The following LRGUK variants were observed in gnomAD, a reference collection of about 807,000 sequenced individuals.
The protein encoded by LRGUK is leucine rich repeats and guanylate kinase domain containing.
Under a neutral mutation model 76.0 loss-of-function variants are expected in LRGUK, and 65 were observed. The observed-to-expected ratio is 0.85, with a 90% CI of 0.70 to 1.05. LRGUK has a LOEUF of 1.05. Ranked by LOEUF, LRGUK falls within the 50% of genes least tolerant of loss-of-function variation. LRGUK has a pLI of 0.00. For missense variants in LRGUK, 758 were observed against 732.8 expected (o/e 1.03, Z -0.40); for synonymous variants, 268 against 265.6 (o/e 1.01, Z -0.09).
intron 19 of LRGUK, among the ~76,000 whole-genome samples, chr7:134,258,964 G>A (rs1413970573): frequency 1.3e-5 from 2 of 152,114 alleles, no homozygotes; most frequent in Non-Finnish European, 2.9e-5. Flanking sequence ...TGTCCACCCG[G>A]CCACATTATC....
intron 18 of LRGUK, among the ~76,000 whole-genome samples, chr7:134,249,920 G>T (rs75599335): frequency 1.3e-5 from 2 of 152,156 alleles, no homozygotes; most frequent in Non-Finnish European, 2.9e-5. Flanking sequence ...ACTACGGGGT[G>T]CCTCTCTTGG....
chr7:134,146,064 G>C (rs898886913), intron 4 of LRGUK, among the ~76,000 whole-genome samples: 1 of 152,146 alleles, frequency 6.6e-6, no homozygotes, highest in African/African-American at 2.4e-5. Flanking sequence ...CTTGAGGTCA[G>C]GGGTTCAAGA....
exon 1 of LRGUK, chr7:134,127,393 T>C: frequency 1.2e-6 from 2 of 1,610,918 alleles, no homozygotes; most frequent in Non-Finnish European, 1.7e-6. Flanking sequence ...AGGGCTCTCC[T>C]GAGGACCAGA....
chr7:134,169,603 A>C (rs1392495895), intron 7 of LRGUK, among the ~76,000 whole-genome samples: 1 of 152,080 alleles, frequency 6.6e-6, no homozygotes, highest in African/African-American at 2.4e-5. Context: ...ATTTTCTTAT[A>C]ATTTCAAGTT....
intron 1 of LRGUK, among the ~76,000 whole-genome samples, chr7:134,128,386 C>A (rs1360249339): frequency 6.6e-6 from 1 of 152,214 alleles, no homozygotes; most frequent in African/African-American, 2.4e-5. Flanking sequence ...TCTCTTCTGA[C>A]CACCACACAA....
Position 134,176,960 on chromosome 7 carries a change from C to T in LRGUK, c.1021-17C>T, listed in dbSNP as rs762521371. The stretch of plus-strand genomic sequence containing the variant: ...AAAAGGAAGGCAACTGAACAGTCCT[C>T]TTGATATTTTAAATAGGAAAAGTCT... On this transcript the variant is annotated splice_polypyrimidine_tract_variant and intron_variant, in intron 8 of 15. Coordinates refer to ENST00000645682, the Ensembl canonical transcript of LRGUK. The T allele has an allele frequency of 2.7e-5, 41 of 1,504,096 alleles. 2 individuals are homozygous for T. The South Asian group carries it at 4.4e-4, about 16-fold the overall frequency. The allele number at this position is 1,504,096 out of a possible 1,614,324, so 93.2% of individuals were successfully genotyped here. A position where few individuals can be genotyped will look rare whatever the true frequency, so the allele number is the denominator to read the frequency against.
In LRGUK at chr7:134,197,112, G is replaced by A; in HGVS notation, c.1545+7G>A. The A allele has an allele frequency of 6.6e-7, 1 of 1,525,830 alleles. No individual in the cohort carries two copies. The allele number at this position is 1,525,830 out of a possible 1,614,324, so 94.5% of individuals were successfully genotyped here. A position where few individuals can be genotyped will look rare whatever the true frequency, so the allele number is the denominator to read the frequency against. ...TATTCATATGGAAATAGAAGTAAGTGTTTTCATTCAACCAATTAATGTGTG... is the reference window on the plus strand; with the variant it reads ...TATTCATATGGAAATAGAAGTAAGTATTTTCATTCAACCAATTAATGTGTG... On this transcript the variant is annotated splice_region_variant and intron_variant, in intron 13 of 15. Transcript: ENST00000645682.
At chr7:134,143,009 T>A (rs1169410029) in intron 3 of LRGUK, 53 bp from the exon 4 acceptor site, 4 of 972,262 alleles carry the variant, frequency 4.1e-6, no homozygotes, top group Non-Finnish European at 6.6e-6. Flanking sequence ...TTTAATGCCT[T>A]TGTCTTGTTA....
At chr7:134,205,873 C>T (rs1054608403) in intron 15 of LRGUK, among the ~76,000 whole-genome samples, 1 of 152,220 alleles carries the variant, frequency 6.6e-6, no homozygotes, top group Non-Finnish European at 1.5e-5. Context: ...TTATGACCAA[C>T]AGCATTGTTT....
chr7:134,246,643 G>A (rs1423211172), intron 16 of LRGUK, among the ~76,000 whole-genome samples: 1 of 152,088 alleles, frequency 6.6e-6, no homozygotes, highest in Non-Finnish European at 1.5e-5. Flanking sequence ...AGTGGAGCCT[G>A]GTAATGACAT....
At chr7:134,137,663 A>ACT (rs1163468804) in intron 2 of LRGUK, among the ~76,000 whole-genome samples, 47 of 152,324 alleles carry the variant, frequency 3.1e-4, no homozygotes, top group African/African-American at 1.1e-3. Flanking sequence ...CTCATCATAG[A>ACT]GTAGCACAAA....
chr7:134,155,247 A>G (rs1202451669), intron 5 of LRGUK, among the ~76,000 whole-genome samples: 3 of 152,086 alleles, frequency 2.0e-5, no homozygotes, highest in Non-Finnish European at 2.9e-5. Context: ...CCTATTTCTT[A>G]TGTTTCATAT....
intron 7 of LRGUK, among the ~76,000 whole-genome samples, chr7:134,171,678 T>G (rs889050720): frequency 2.6e-5 from 4 of 152,122 alleles, no homozygotes. Context: ...GGGGATCAAC[T>G]GTGCTGAGAT....
At chr7:134,237,050 C>CTTTTTTTTTTT (rs10555261) in intron 16 of LRGUK, among the ~76,000 whole-genome samples, 2 of 75,156 alleles carry the variant, frequency 2.7e-5, no homozygotes, top group Admixed American at 3.5e-4. Flanking sequence ...TTTTCTCTTT[C>CTTTTTTTTTTT]TTTTTTTTTT....
At chr7:134,148,487 A>G (rs1194885237) in intron 5 of LRGUK, among the ~76,000 whole-genome samples, 168 bp downstream of exon 5, 1 of 152,202 alleles carries the variant, frequency 6.6e-6, no homozygotes, top group African/African-American at 2.4e-5. Flanking sequence ...ATGAGGATAA[A>G]TATTTTATTT....
chr7:134,146,078 G>C (rs185052574), intron 4 of LRGUK, among the ~76,000 whole-genome samples: 182 of 152,206 alleles, frequency 1.2e-3, no homozygotes, highest in African/African-American at 4.1e-3. Flanking sequence ...TTCAAGACCA[G>C]CCATGGTCAA....
chr7:134,188,372 C>T (rs914921948), intron 11 of LRGUK, among the ~76,000 whole-genome samples: 5 of 151,944 alleles, frequency 3.3e-5, no homozygotes, highest in Admixed American at 2.0e-4. Context: ...GACAGGGGTC[C>T]GGTCATAAAG....
intron 11 of LRGUK, among the ~76,000 whole-genome samples, chr7:134,186,904 T>A (rs1315460373): frequency 6.6e-6 from 1 of 152,142 alleles, no homozygotes; most frequent in Non-Finnish European, 1.5e-5. Flanking sequence ...GAATTAGTGG[T>A]GAGTAGAAAG....
rs5027101 is a variant in LRGUK at position 134,172,923 on chromosome 7, G to A, written c.940-1633G>A. ...GGTTCCTTGAGCTAGGGAGGTTGAGGCTGCAGTGAGCCATGATCATACTAC... is the reference window on the plus strand; with the variant it reads ...GGTTCCTTGAGCTAGGGAGGTTGAGACTGCAGTGAGCCATGATCATACTAC... On this transcript the variant is annotated intron_variant, in intron 7 of 15. Coordinates refer to ENST00000645682, the Ensembl canonical transcript of LRGUK. 7.9e-3 allele frequency among the ~76,000 whole-genome samples: 1,200 copies of A among 152,132 alleles called. 24 individuals carry two copies. The highest frequency in any genetic ancestry group is 0.028 in the African/African-American group (1,165 of 41,476).
Sources: gnomAD v4.1 joint callset for allele counts (sites outside exome capture counted in the v4.1 genomes callset) on GRCh38, gnomAD v4.1.1 for gene constraint, MANE v1.5 for transcripts, NCBI Gene and HGNC (gene_info 2026-07-23, HGNC 2026-07-21) for gene names.